GAREM1: variants seen among roughly 807,000 people sequenced by gnomAD.
The protein encoded by GAREM1 is GRB2 associated regulator of MAPK1 subtype 1.
GAREM1 carries 26 observed loss-of-function variants against 71.3 expected under a neutral mutation model. The observed-to-expected ratio is 0.36, with a 90% CI of 0.27 to 0.51. GAREM1 has a LOEUF of 0.51. Among genes scored for constraint, GAREM1 ranks in the 20% least tolerant of loss-of-function variants. The pLI is 0.95. For synonymous variants in GAREM1, 440 were observed against 433.2 expected (o/e 1.02, Z -0.20); for missense variants, 1,026 against 1,103.1 (o/e 0.93, Z 0.99).
At chr18:32,423,770 A>G (rs2144244647) in intron 1 of GAREM1, among the ~76,000 whole-genome samples, 1 of 152,312 alleles carries the variant, frequency 6.6e-6, no homozygotes, top group Admixed American at 6.5e-5. Context: ...GACAAATTAT[A>G]GTATTTTGTA....
At chr18:32,378,360 C>T (rs1212088492) in intron 2 of GAREM1, among the ~76,000 whole-genome samples, 1 of 151,900 alleles carries the variant, frequency 6.6e-6, no homozygotes, top group Non-Finnish European at 1.5e-5. Context: ...ATTAACCAAG[C>T]ATGGTGGCAG....
chr18:32,294,496 T>C (rs1278103229), intron 3 of GAREM1, among the ~76,000 whole-genome samples: 1 of 152,234 alleles, frequency 6.6e-6, no homozygotes, highest in Non-Finnish European at 1.5e-5. Context: ...TTTCTATGGT[T>C]TGTAATGATA....
At chr18:32,466,865 A>G (rs2049004557) in intron 1 of GAREM1, among the ~76,000 whole-genome samples, 1 of 152,122 alleles carries the variant, frequency 6.6e-6, no homozygotes, top group South Asian at 2.1e-4. Context: ...TCCCAAGGAG[A>G]ATTGCTAGAG....
chr18:32,408,373 G>A (rs2048385275), intron 1 of GAREM1, among the ~76,000 whole-genome samples: 1 of 152,108 alleles, frequency 6.6e-6, no homozygotes, highest in Non-Finnish European at 1.5e-5. Context: ...TTGATTCTAA[G>A]TTATTGATAA....
intron 1 of GAREM1, among the ~76,000 whole-genome samples, chr18:32,411,426 C>G (rs538386627): frequency 3.9e-5 from 6 of 151,926 alleles, no homozygotes; most frequent in African/African-American, 1.4e-4. Flanking sequence ...ACAAAAGAAT[C>G]AAATTATAAA....
intron 2 of GAREM1, among the ~76,000 whole-genome samples, chr18:32,351,348 A>G (rs972723605): frequency 5.3e-5 from 8 of 152,178 alleles, no homozygotes; most frequent in African/African-American, 1.9e-4. Flanking sequence ...CAAATTTATC[A>G]GCAGAGAAGG....
chr18:32,385,592 T>C (rs1239998305), intron 2 of GAREM1, among the ~76,000 whole-genome samples: 1 of 152,128 alleles, frequency 6.6e-6, no homozygotes, highest in Non-Finnish European at 1.5e-5. Flanking sequence ...CTTAATTTTT[T>C]CCTAGAGTCA....
intron 1 of GAREM1, among the ~76,000 whole-genome samples, chr18:32,424,796 A>T (rs1316367900): frequency 1.3e-5 from 2 of 152,212 alleles, no homozygotes; most frequent in African/African-American, 4.8e-5. Flanking sequence ...TTCCTTTGTG[A>T]AACATCCTTA....
At chr18:32,439,542 C>T (rs2048713770) in intron 1 of GAREM1, among the ~76,000 whole-genome samples, 1 of 152,140 alleles carries the variant, frequency 6.6e-6, no homozygotes, top group Non-Finnish European at 1.5e-5. Flanking sequence ...AGCAGATTGA[C>T]AACCCTGCAG....
intron 2 of GAREM1, among the ~76,000 whole-genome samples, chr18:32,336,416 C>T (rs1042685822): frequency 2.5e-4 from 33 of 132,840 alleles, no homozygotes; most frequent in Admixed American, 1.1e-3. Context: ...GGCAACAGAG[C>T]GAGACTCCGT....
At chr18:32,465,947 T>C (rs1230700097) in intron 1 of GAREM1, among the ~76,000 whole-genome samples, 1 of 152,166 alleles carries the variant, frequency 6.6e-6, no homozygotes, top group Non-Finnish European at 1.5e-5. Context: ...TACATCTTTC[T>C]AAGATGCATT....
intron 4 of GAREM1, among the ~76,000 whole-genome samples, chr18:32,285,524 C>G (rs1395943669): frequency 6.6e-6 from 1 of 152,216 alleles, no homozygotes; most frequent in African/African-American, 2.4e-5. Flanking sequence ...GTTGCTCATG[C>G]TGCTCTGTCC....
chr18:32,469,846 G>A (rs1035983282), intron 1 of GAREM1, among the ~76,000 whole-genome samples: 3 of 152,138 alleles, frequency 2.0e-5, no homozygotes, highest in Admixed American at 2.0e-4. Flanking sequence ...CTTTTCAATG[G>A]TCACCCAGGA....
At chr18:32,367,743 C>T (rs879394371) in intron 2 of GAREM1, among the ~76,000 whole-genome samples, 1 of 152,078 alleles carries the variant, frequency 6.6e-6, no homozygotes, top group East Asian at 1.9e-4. Flanking sequence ...GAGACACATA[C>T]GAACCATGAT....
At chr18:32,340,052 C>T (rs976598119) in intron 2 of GAREM1, among the ~76,000 whole-genome samples, 5 of 152,226 alleles carry the variant, frequency 3.3e-5, no homozygotes, top group Admixed American at 1.3e-4. Context: ...ATCCTTCCTT[C>T]AGAACACAGC....
intron 1 of GAREM1, among the ~76,000 whole-genome samples, chr18:32,430,993 C>A (rs768735465): frequency 6.6e-6 from 1 of 152,058 alleles, no homozygotes; most frequent in Non-Finnish European, 1.5e-5. Flanking sequence ...ACAGAGTGAT[C>A]CTATAAATTT....
At chr18:32,401,963 T>G (rs1471463983) in intron 1 of GAREM1, among the ~76,000 whole-genome samples, 1 of 152,188 alleles carries the variant, frequency 6.6e-6, no homozygotes, top group Non-Finnish European at 1.5e-5. Flanking sequence ...AAACCAATGC[T>G]TATGTCTTTT....
chr18:32,289,066 A>G (rs2047054137), intron 3 of GAREM1, among the ~76,000 whole-genome samples: 1 of 152,128 alleles, frequency 6.6e-6, no homozygotes, highest in African/African-American at 2.4e-5. Context: ...AGCTACGCAT[A>G]TATTTGTTTT....
At chr18:32,337,822 C>T (rs1309859765) in intron 2 of GAREM1, among the ~76,000 whole-genome samples, 1 of 152,166 alleles carries the variant, frequency 6.6e-6, no homozygotes, top group Non-Finnish European at 1.5e-5. Context: ...TCTCAATCAT[C>T]GCCCGGAGAA....
Sources: allele counts gnomAD v4.1 joint callset (sites outside exome capture counted in the v4.1 genomes callset), GRCh38; gene constraint gnomAD v4.1.1; transcripts MANE v1.5; gene names NCBI Gene and HGNC (gene_info 2026-07-23, HGNC 2026-07-21).